CALCOCO2: variants seen among roughly 807,000 people sequenced by gnomAD.
CALCOCO2 encodes the protein calcium binding and coiled-coil domain 2, also known as calcium-binding and coiled-coil domain-containing protein 2.
In CALCOCO2, 42 loss-of-function variants were observed where a neutral mutation model predicts 62.5. The ratio of observed to expected loss-of-function variants is 0.67; its 90% CI spans 0.53 to 0.87. The LOEUF (loss-of-function observed/expected upper bound fraction) is 0.87, where lower values mean the gene tolerates loss of function less well. Among genes scored for constraint, CALCOCO2 ranks in the 40% least tolerant of loss-of-function variants. CALCOCO2 has a pLI of 0.00. For missense variants in CALCOCO2, 456 were observed against 515.0 expected, an observed-to-expected ratio of 0.89 and a Z score of 1.11; for synonymous variants, 167 against 173.0, an observed-to-expected ratio of 0.97 and a Z score of 0.27.
intron 9 of CALCOCO2, among the ~76,000 whole-genome samples, chr17:48,854,872 C>A (rs2040190456): frequency 6.6e-6 from 1 of 152,116 alleles, no homozygotes; most frequent in Non-Finnish European, 1.5e-5. Flanking sequence ...TGTGGAGGAG[C>A]AGTTAGCACA....
intron 10 of CALCOCO2, among the ~76,000 whole-genome samples, chr17:48,858,071 G>GAATAGAATAGAATAGA (rs1311782459): frequency 6.9e-6 from 1 of 144,826 alleles, no homozygotes; most frequent in African/African-American, 2.5e-5. Flanking sequence ...GAATAGAATA[G>GAATAGAATAGAATAGA]AATTTTACCA....
chr17:48,841,705 A>T lies in CALCOCO2; in HGVS notation c.-3A>T, dbSNP rs1334442232. 6.2e-7 allele frequency: 1 copy of T among 1,607,496 alleles called. No individual in the cohort carries two copies. The highest frequency in any genetic ancestry group is 1.1e-5 in the South Asian group (1 of 90,496). The stretch of plus-strand genomic sequence containing the variant: ...TTCCACATTTCATAACAGGACCCCT[A>T]CCATGGAGGAGACCATCAAAGATCC... On this transcript the variant is annotated 5_prime_UTR_variant, in exon 2 of 13. Transcript: ENST00000258947.
intron 1 of CALCOCO2, among the ~76,000 whole-genome samples, chr17:48,833,388 C>G (rs755705911): frequency 6.6e-6 from 1 of 151,928 alleles, no homozygotes; most frequent in African/African-American, 2.4e-5. Flanking sequence ...AACCCCGTCT[C>G]TACTAAAAAT....
intron 1 of CALCOCO2, among the ~76,000 whole-genome samples, chr17:48,840,861 ATATAACTAAC>A (rs2039966811): frequency 1.3e-5 from 2 of 152,240 alleles, no homozygotes. Context: ...AGTAATAACT[ATATAACTAAC>A]TATAACTAAC....
intron 1 of CALCOCO2, among the ~76,000 whole-genome samples, chr17:48,841,327 G>A (rs2039971949): frequency 6.6e-6 from 1 of 152,068 alleles, no homozygotes; most frequent in Non-Finnish European, 1.5e-5. Flanking sequence ...AAAGTCATAG[G>A]GCTTGTTGGG....
intron 2 of CALCOCO2, chr17:48,846,187 A>C: frequency 1.5e-6 from 1 of 657,614 alleles, no homozygotes; most frequent in Non-Finnish European, 2.5e-6. Context: ...CCCAGGCTGG[A>C]GTGCAGAGGT....
rs1156279394 is a variant in CALCOCO2, at chr17:48,852,813, C to A, written c.826-113C>A. The A allele has an allele frequency of 9.1e-6, 9 of 984,164 alleles. No homozygotes were observed. The East Asian group carries it at 2.0e-4, about 22-fold the overall frequency. The allele number at this position is 984,164 out of a possible 1,614,324, so 61.0% of individuals were successfully genotyped here. ...TTCTTCAGAAACTGACGAGAGAAGA[C>A]TTGCCTCTCCCTATGCATCCTGCTT... On this transcript the variant is annotated intron_variant, in intron 8 of 12. Coordinates refer to ENST00000258947, the MANE Select transcript of CALCOCO2 (RefSeq NM_005831.5).
At chr17:48,843,990 T>A (rs2040011489) in intron 2 of CALCOCO2, 1 of 152,330 alleles carries the variant, frequency 6.6e-6, no homozygotes, top group African/African-American at 2.4e-5. Flanking sequence ...TTCAAGCGAT[T>A]CTCCTGCCTC....
Position 48,859,764 on chromosome 17 carries a change from T to C in CALCOCO2, c.1009-550T>C, listed in dbSNP as rs114913419. On this transcript the variant is annotated intron_variant, in intron 10 of 12. Transcript: ENST00000258947. Reference sequence around the variant, plus strand: ...ATGTATTTAGAGATTTAAAACTTTTTTGTATTAATATAAACAAAATGTAGT... The same window carrying C: ...ATGTATTTAGAGATTTAAAACTTTTCTGTATTAATATAAACAAAATGTAGT... Among the ~76,000 whole-genome samples, 903 of 152,290 alleles carry C rather than the reference T, an allele frequency of 5.9e-3. 11 individuals are homozygous for C. Among genetic ancestry groups the C allele is most frequent in the African/African-American group, 0.021 (872 of 41,560 alleles).
At chr17:48,840,753 G>C (rs2039965327) in intron 1 of CALCOCO2, among the ~76,000 whole-genome samples, 1 of 151,778 alleles carries the variant, frequency 6.6e-6, no homozygotes, top group Non-Finnish European at 1.5e-5. Flanking sequence ...CTTCTTATTC[G>C]ATTCATTTGG....
chr17:48,833,168 G>A (rs2039839975), intron 1 of CALCOCO2, among the ~76,000 whole-genome samples: 2 of 152,186 alleles, frequency 1.3e-5, no homozygotes, highest in Admixed American at 6.5e-5. Flanking sequence ...ATTCTTTAAG[G>A]CTGGTTATGT....
chr17:48,862,355 C>T (rs2040341751), intron 12 of CALCOCO2, 51 bp downstream of exon 12: 1 of 1,239,386 alleles, frequency 8.1e-7, no homozygotes, highest in Non-Finnish European at 1.2e-6. Flanking sequence ...GAAAATTTCC[C>T]TTCCTGCTCC....
intron 9 of CALCOCO2, among the ~76,000 whole-genome samples, chr17:48,853,918 T>C (rs1382047567): frequency 1.3e-5 from 2 of 152,236 alleles, no homozygotes; most frequent in Non-Finnish European, 2.9e-5. Context: ...TGCACTGTTT[T>C]ATTGCATTCA....
Position 48,845,728 on chromosome 17 carries a change from CAA to C in CALCOCO2, c.181-2321_181-2320del, listed in dbSNP as rs534937285. Among the ~76,000 whole-genome samples the C allele has an allele frequency of 7.0e-3, 756 of 107,844 alleles. 6 individuals carry two copies. The highest frequency in any genetic ancestry group is 0.025 in the African/African-American group (717 of 28,552). 70.7% of individuals were successfully genotyped at this position (107,844 alleles called of 152,430 possible). ...TGGGCAACAGAGCGAGACTCCATCT[CAA>C]AAAAAAAAAAAAAAGAAAAGAAAAG... On this transcript the variant is annotated intron_variant, in intron 2 of 12. Coordinates refer to ENST00000258947, the MANE Select transcript of CALCOCO2 (RefSeq NM_005831.5).
chr17:48,858,046 A>ATAGAATATAGAATAG, intron 10 of CALCOCO2, among the ~76,000 whole-genome samples: 1 of 40,038 alleles, frequency 2.5e-5, no homozygotes, highest in African/African-American at 9.3e-5. Context: ...ATAGAATAGA[A>ATAGAATATAGAATAG]AATAGAATAG....
At chr17:48,846,520 TA>T in intron 2 of CALCOCO2, 1 of 1,375,110 alleles carries the variant, frequency 7.3e-7, no homozygotes, top group Non-Finnish European at 1.0e-6. Flanking sequence ...TGCAGGTGGC[TA>T]GAAGTTGTTT....
At chr17:48,839,942 TG>T (rs1250150398) in intron 1 of CALCOCO2, among the ~76,000 whole-genome samples, 10 of 152,126 alleles carry the variant, frequency 6.6e-5, no homozygotes, top group African/African-American at 2.4e-4. Context: ...CCCAAAGTGC[TG>T]GGATTACAGG....
chr17:48,863,109 G>C lies in CALCOCO2; in HGVS notation c.*104G>C, dbSNP rs1010179578. 3 of 887,450 alleles carry C rather than the reference G, an allele frequency of 3.4e-6. No homozygotes were observed. Among genetic ancestry groups the C allele is most frequent in the Non-Finnish European group, 5.6e-6 (3 of 533,040 alleles). The allele number at this position is 887,450 out of a possible 1,614,324, so 55.0% of individuals were successfully genotyped here. A position where few individuals can be genotyped will look rare whatever the true frequency, so the allele number is the denominator to read the frequency against. On this transcript the variant is annotated 3_prime_UTR_variant, in exon 13 of 13. Transcript: ENST00000258947. ...GATCCTGCCTAACCTGAAATTATTA[G>C]GGATTTACTCAGCCCTGCTGCCGCT...
At chr17:48,860,539 C>T (rs549197636) in intron 11 of CALCOCO2, 90 bp downstream of exon 11, 3 of 1,167,620 alleles carry the variant, frequency 2.6e-6, no homozygotes, top group South Asian at 2.7e-5. Context: ...TAATTAAGAC[C>T]AGTCTCATTG....
Sources: gnomAD v4.1 joint callset for allele counts (sites outside exome capture counted in the v4.1 genomes callset) on GRCh38, gnomAD v4.1.1 for gene constraint, MANE v1.5 for transcripts, NCBI Gene and HGNC (gene_info 2026-07-23, HGNC 2026-07-21) for gene names.